CABLES1: variants seen among roughly 807,000 people sequenced by gnomAD.
CABLES1 encodes the protein CDK5 and ABL1 enzyme substrate 1.
In CABLES1, 36 loss-of-function variants were observed where a neutral mutation model predicts 57.8. That is an observed-to-expected ratio of 0.62 (90% confidence interval 0.48 to 0.82). The LOEUF (loss-of-function observed/expected upper bound fraction) is 0.82, where lower values mean the gene tolerates loss of function less well. Ranked by LOEUF, CABLES1 falls within the 40% of genes least tolerant of loss-of-function variation. The pLI is 0.00. For synonymous variants in CABLES1, 374 were observed against 363.0 expected (o/e 1.03, Z -0.35); for missense variants, 767 against 836.6 (o/e 0.92, Z 1.03).
intron 4 of CABLES1, among the ~76,000 whole-genome samples, chr18:23,226,263 A>C (rs562679303): frequency 6.6e-6 from 1 of 152,112 alleles, no homozygotes; most frequent in Non-Finnish European, 1.5e-5. Context: ...TTAGCCGGGC[A>C]TGGTGGCATG....
At chr18:23,210,010 G>A (rs1004666686) in intron 3 of CABLES1, among the ~76,000 whole-genome samples, 4 of 152,224 alleles carry the variant, frequency 2.6e-5, no homozygotes, top group Non-Finnish European at 5.9e-5. Context: ...CTAAGAGCAT[G>A]ACAATGAGGC....
intron 1 of CABLES1, among the ~76,000 whole-genome samples, chr18:23,142,446 T>C (rs2144949612): frequency 6.6e-6 from 1 of 152,244 alleles, no homozygotes; most frequent in Middle Eastern, 3.4e-3. Flanking sequence ...CCTCTATTGC[T>C]AAAGGGCCTT....
intron 4 of CABLES1, among the ~76,000 whole-genome samples, chr18:23,223,850 A>G (rs1210976457): frequency 6.6e-6 from 1 of 152,106 alleles, no homozygotes; most frequent in Admixed American, 6.5e-5. Context: ...TGCATTGAAT[A>G]AAGACTGGGT....
intron 5 of CABLES1, 24 bp from the exon 6 acceptor site, chr18:23,235,871 C>A (rs759463037): frequency 1.2e-6 from 2 of 1,611,390 alleles, no homozygotes; most frequent in African/African-American, 1.3e-5. Context: ...TAATCACTGG[C>A]CTGTTTTTGT....
intron 1 of CABLES1, among the ~76,000 whole-genome samples, chr18:23,159,028 C>T (rs931175652): frequency 2.6e-5 from 4 of 152,146 alleles, no homozygotes; most frequent in African/African-American, 9.7e-5. Flanking sequence ...GTGCAGGGCG[C>T]GATCTCGGCT....
chr18:23,253,107 C>G, intron 8 of CABLES1, 41 bp downstream of exon 8: 1 of 1,111,678 alleles, frequency 9.0e-7, no homozygotes, highest in Non-Finnish European at 1.4e-6. Flanking sequence ...TCCCTGCAAA[C>G]CCCTCTTTCC....
chr18:23,148,726 C>T (rs376224463), intron 1 of CABLES1, among the ~76,000 whole-genome samples: 30 of 152,262 alleles, frequency 2.0e-4, no homozygotes, highest in African/African-American at 7.2e-4. Context: ...TTCAGGTCAG[C>T]TGTGACCTCA....
intron 1 of CABLES1, among the ~76,000 whole-genome samples, chr18:23,157,272 G>A (rs762162500): frequency 6.6e-6 from 1 of 152,136 alleles, no homozygotes; most frequent in East Asian, 1.9e-4. Flanking sequence ...TTAGCAGGTC[G>A]GCAAGTCTGC....
At chr18:23,236,677 G>A (rs1301909336) in intron 6 of CABLES1, among the ~76,000 whole-genome samples, 7 of 152,184 alleles carry the variant, frequency 4.6e-5, no homozygotes, top group Non-Finnish European at 7.3e-5. Flanking sequence ...ACCTCTGATC[G>A]TTCGCAGCTG....
chr18:23,148,216 C>G (rs576394084), intron 1 of CABLES1, among the ~76,000 whole-genome samples: 1 of 152,112 alleles, frequency 6.6e-6, no homozygotes, highest in African/African-American at 2.4e-5. Flanking sequence ...GTCTCGATCT[C>G]CTGATCTCAT....
intron 7 of CABLES1, among the ~76,000 whole-genome samples, chr18:23,250,688 G>A (rs1036376897): frequency 1.3e-5 from 2 of 152,332 alleles, no homozygotes; most frequent in African/African-American, 2.4e-5. Context: ...TGCAGGGCAT[G>A]TGGTTAGCCG....
chr18:23,170,205 A>C (rs934303792), intron 1 of CABLES1, among the ~76,000 whole-genome samples: 1 of 152,222 alleles, frequency 6.6e-6, no homozygotes, highest in African/African-American at 2.4e-5. Context: ...CTCATGTACA[A>C]GGGTGTTGTG....
intron 1 of CABLES1, among the ~76,000 whole-genome samples, chr18:23,162,034 G>A (rs2047008954): frequency 1.3e-5 from 2 of 152,094 alleles, no homozygotes; most frequent in Middle Eastern, 6.8e-3. Context: ...GCATGGTGTC[G>A]TGCACCTGCA....
At chr18:23,236,693 T>C (rs536949287) in intron 6 of CABLES1, among the ~76,000 whole-genome samples, 1 of 152,282 alleles carries the variant, frequency 6.6e-6, no homozygotes, top group East Asian at 1.9e-4. Context: ...AGCTGTGCCT[T>C]GGTGGCCGCT....
intron 1 of CABLES1, among the ~76,000 whole-genome samples, chr18:23,186,201 A>T (rs1023813201): frequency 6.6e-6 from 1 of 152,110 alleles, no homozygotes; most frequent in African/African-American, 2.4e-5. Flanking sequence ...GAGTTGGGAC[A>T]CTCAGCCTGC....
At chr18:23,151,877 T>C (rs987226330) in intron 1 of CABLES1, among the ~76,000 whole-genome samples, 1 of 152,022 alleles carries the variant, frequency 6.6e-6, no homozygotes, top group Non-Finnish European at 1.5e-5. Context: ...GCTGATGCTG[T>C]GGGCCAGGCA....
intron 4 of CABLES1, among the ~76,000 whole-genome samples, chr18:23,221,284 C>T (rs966940521): frequency 2.0e-5 from 3 of 152,172 alleles, no homozygotes; most frequent in Non-Finnish European, 2.9e-5. Flanking sequence ...TGCTTGAATT[C>T]GATAGGAAAT....
Position 23,164,741 on chromosome 18 carries a change from A to G in CABLES1, c.846-24097A>G, listed in dbSNP as rs1416990898. ...CAAAGCTTATCTTTGATATGTTGTG[A>G]TAAAACATATAAAAATTTATCTCTT... is the stretch of plus-strand genomic sequence containing the variant. On this transcript the variant is annotated intron_variant, in intron 1 of 9. Transcript: ENST00000256925. 2.6e-5 allele frequency among the ~76,000 whole-genome samples: 4 copies of G among 151,116 alleles called. No individual in the cohort carries two copies. In the East Asian group the frequency reaches 7.8e-4, roughly 29 times the overall value.
chr18:23,232,426 CCCT>C (rs1441518166), intron 4 of CABLES1, among the ~76,000 whole-genome samples: 1 of 152,222 alleles, frequency 6.6e-6, no homozygotes, highest in Non-Finnish European at 1.5e-5. Context: ...TCAGTCCCCT[CCCT>C]CCCTGCCCAC....
Sources: allele counts gnomAD v4.1 joint callset (sites outside exome capture counted in the v4.1 genomes callset), GRCh38; gene constraint gnomAD v4.1.1; transcripts MANE v1.5; gene names NCBI Gene and HGNC (gene_info 2026-07-23, HGNC 2026-07-21).